Variants in TM9SF4 observed in about 807,000 individuals in gnomAD.
TM9SF4 encodes the protein dinucleotide oxidase disulfide thiol exchanger 3 superfamily member 4.
In TM9SF4, 26 loss-of-function variants were observed where a neutral mutation model predicts 90.4. That is an observed-to-expected ratio of 0.29 (90% CI 0.21 to 0.40). TM9SF4 has a LOEUF of 0.40. Ranked by LOEUF, TM9SF4 falls within the 10% of genes least tolerant of loss-of-function variation. TM9SF4 has a pLI of 1.00. For missense variants in TM9SF4, 549 were observed against 834.8 expected (o/e 0.66, Z 4.22); for synonymous variants, 293 against 315.4 (o/e 0.93, Z 0.75).
At chr20:32,163,204 C>T (rs939671548) in intron 17 of TM9SF4, among the ~76,000 whole-genome samples, 4 of 140,576 alleles carry the variant, frequency 2.8e-5, no homozygotes, top group Admixed American at 7.7e-5. Context: ...CAAGATCGTG[C>T]CACTGCACTC....
chr20:32,120,783 A>G lies in TM9SF4; in HGVS notation c.15+11028A>G, dbSNP rs1426818533. On this transcript the variant is annotated intron_variant, in intron 1 of 17. Transcript: ENST00000398022. The stretch of plus-strand genomic sequence containing the variant: ...GTATGATGTTGGCTGTGGATTTTTC[A>G]TAGCTGCCCTTTATCTGATTAAGTT... Among the ~76,000 whole-genome samples, 8 of 136,634 alleles carry G rather than the reference A, an allele frequency of 5.9e-5. No individual in the cohort carries two copies. In the Admixed American group the frequency reaches 5.9e-4, roughly 10 times the overall value. 89.6% of individuals were successfully genotyped at this position (136,634 alleles called of 152,430 possible).
intron 5 of TM9SF4, 99 bp downstream of exon 5, chr20:32,141,994 T>G: frequency 6.4e-7 from 1 of 1,560,884 alleles, no homozygotes; most frequent in East Asian, 2.3e-5. Flanking sequence ...CACAGCAAGT[T>G]TCTCCAGGTG....
Position 32,146,808 on chromosome 20 carries a change from C to T in TM9SF4, c.907C>T (p.Arg303Trp). The change falls in exon 9 of 18, where the codon CGG becomes TGG. Residue 303 changes from arginine to tryptophan, a missense_variant. Around this residue, in one of 2 missense-constraint regions of TM9SF4, gnomAD observed 495 missense variants for 711.7 expected, o/e 0.70. Coordinates refer to ENST00000398022, the MANE Select transcript of TM9SF4 (RefSeq NM_014742.4). ...LSGILSMIII[R>W]TLRKDIANYN... Reference sequence around the variant, plus strand: ...AGGTATCCTGAGCATGATTATCATTCGGACCCTCCGGAAGGACATTGCCAA... The same window carrying T: ...AGGTATCCTGAGCATGATTATCATTTGGACCCTCCGGAAGGACATTGCCAA... 6.2e-7 allele frequency: 1 copy of T among 1,614,020 alleles called. No homozygotes were observed. Among genetic ancestry groups the T allele is most frequent in the Non-Finnish European group, 8.5e-7 (1 of 1,179,988 alleles).
chr20:32,136,421 A>G (rs1376657884), intron 3 of TM9SF4, among the ~76,000 whole-genome samples: 1 of 152,174 alleles, frequency 6.6e-6, no homozygotes, highest in African/African-American at 2.4e-5. Flanking sequence ...TTTCTTCACA[A>G]AACAGCCAGA....
intron 1 of TM9SF4, among the ~76,000 whole-genome samples, chr20:32,120,666 C>T (rs1295539011): frequency 6.6e-6 from 1 of 152,130 alleles, no homozygotes. Flanking sequence ...AGTGCAGTGA[C>T]TTATAGTATA....
chr20:32,120,751 C>T (rs2046294396), intron 1 of TM9SF4, among the ~76,000 whole-genome samples: 1 of 152,022 alleles, frequency 6.6e-6, no homozygotes. Context: ...CAGTTTTTCA[C>T]TACTGAGTAT....
intron 1 of TM9SF4, among the ~76,000 whole-genome samples, chr20:32,110,453 G>A (rs952333691): frequency 6.6e-6 from 1 of 152,142 alleles, no homozygotes; most frequent in African/African-American, 2.4e-5. Context: ...CTCGAGGTGT[G>A]TAGGGGGAGG....
At chr20:32,137,641 G>A (rs908510239) in intron 3 of TM9SF4, among the ~76,000 whole-genome samples, 4 of 152,128 alleles carry the variant, frequency 2.6e-5, no homozygotes, top group African/African-American at 9.7e-5. Context: ...GTAGGCATTC[G>A]ATAATTGTTA....
chr20:32,122,472 T>G (rs1385989354), intron 1 of TM9SF4, among the ~76,000 whole-genome samples: 7 of 120,058 alleles, frequency 5.8e-5, no homozygotes, highest in East Asian at 2.6e-4. Flanking sequence ...GGGCGGAGGG[T>G]CTCCTCACTT....
chr20:32,141,925 C>T (rs770644225), intron 5 of TM9SF4, 30 bp downstream of exon 5: 14 of 1,613,012 alleles, frequency 8.7e-6, no homozygotes, highest in Admixed American at 8.3e-5. Flanking sequence ...CTCACAGGAC[C>T]GGGAGCCACA....
At chr20:32,141,125 G>C (rs1044312155) in intron 3 of TM9SF4, among the ~76,000 whole-genome samples, 2 of 149,728 alleles carry the variant, frequency 1.3e-5, no homozygotes, top group African/African-American at 5.0e-5. Context: ...GCTGAGGCAG[G>C]AGAATGGCCT....
chr20:32,154,341 A>G (rs942446870), intron 12 of TM9SF4, among the ~76,000 whole-genome samples: 3 of 151,894 alleles, frequency 2.0e-5, no homozygotes, highest in Non-Finnish European at 4.4e-5. Flanking sequence ...GGGTTTCACC[A>G]TGTTGCCCAG....
At chr20:32,120,453 A>G (rs183938538) in intron 1 of TM9SF4, among the ~76,000 whole-genome samples, 1 of 142,046 alleles carries the variant, frequency 7.0e-6, no homozygotes, top group Admixed American at 7.2e-5. Context: ...ATGTGGAAAT[A>G]CAATTAATTT....
chr20:32,129,319 A>G lies in TM9SF4; in HGVS notation c.16-3694A>G, dbSNP rs1294426166. Among the ~76,000 whole-genome samples, 5 of 152,090 alleles carry G rather than the reference A, an allele frequency of 3.3e-5. 1 individual carries two copies. On this transcript the variant is annotated intron_variant, in intron 1 of 17. Coordinates refer to ENST00000398022, the MANE Select transcript of TM9SF4 (RefSeq NM_014742.4). ...ACCAGCCTGGGTAATATAGGGAGAC[A>G]CTATATTTACAAAAAATCAAAAAAA...
chr20:32,155,526 C>T (rs1464535820), intron 13 of TM9SF4, among the ~76,000 whole-genome samples: 7 of 152,222 alleles, frequency 4.6e-5, no homozygotes, highest in African/African-American at 1.4e-4. Flanking sequence ...GTCATTATCC[C>T]AAAGCAAGCC....
At chr20:32,136,219 C>A (rs1399280074) in intron 3 of TM9SF4, 46 bp downstream of exon 3, 2 of 1,559,258 alleles carry the variant, frequency 1.3e-6, no homozygotes, top group South Asian at 1.1e-5. Context: ...CCAGGGGGAA[C>A]CCAGCATGAT....
Position 32,143,158 on chromosome 20 carries a change from C to G in TM9SF4, c.652+53C>G, listed in dbSNP as rs960778172. 7.5e-6 allele frequency: 12 copies of G among 1,597,450 alleles called. No individual in the cohort carries two copies. In the East Asian group the frequency reaches 2.5e-4, roughly 33 times the overall value. On this transcript the variant is annotated intron_variant, in intron 6 of 17. Transcript: ENST00000398022. ...CAGGGCTGGATGGGCCTGGGCTTCT[C>G]CACGCAGGGTCTTCGCACTCTTCTC...
chr20:32,121,895 T>G (rs1423559786), intron 1 of TM9SF4, among the ~76,000 whole-genome samples: 1 of 116,804 alleles, frequency 8.6e-6, no homozygotes, highest in Non-Finnish European at 1.8e-5. Flanking sequence ...CCCCCCCACC[T>G]CCCTCCCGGA....
chr20:32,150,887 A>C lies in TM9SF4; in HGVS notation c.1245+12A>C. On this transcript the variant is annotated intron_variant, in intron 12 of 17. Coordinates refer to ENST00000398022, the MANE Select transcript of TM9SF4 (RefSeq NM_014742.4). ...AAGGAGCCTTCTGTGTGAGTGTCCTAAACCTTCTCTTGTTTGGTGGGAAGC... is the reference window on the plus strand; with the variant it reads ...AAGGAGCCTTCTGTGTGAGTGTCCTCAACCTTCTCTTGTTTGGTGGGAAGC... 4.3e-6 allele frequency: 7 copies of C among 1,613,924 alleles called. No individual in the cohort carries two copies. The highest frequency in any genetic ancestry group is 5.9e-6 in the Non-Finnish European group (7 of 1,179,936).
Sources: allele counts gnomAD v4.1 joint callset (sites outside exome capture counted in the v4.1 genomes callset), GRCh38; gene constraint gnomAD v4.1.1; regional missense constraint gnomAD v4.1.1; transcripts MANE v1.5; gene names NCBI Gene and HGNC (gene_info 2026-07-23, HGNC 2026-07-21).